GPC6: variants seen among roughly 807,000 people sequenced by gnomAD.
GPC6 encodes glypican-6.
Under a neutral mutation model 55.2 loss-of-function variants are expected in GPC6, and 14 were observed. That is an observed-to-expected ratio of 0.25 (90% CI 0.17 to 0.40). The LOEUF (loss-of-function observed/expected upper bound fraction) is 0.40, where lower values mean the gene tolerates loss of function less well. GPC6 is among the 10% of genes least tolerant of loss of function. GPC6 has a pLI of 1.00. For synonymous variants in GPC6, 278 were observed against 259.6 expected (o/e 1.07, Z -0.68); for missense variants, 641 against 708.5 (o/e 0.90, Z 1.08).
intron 4 of GPC6, among the ~76,000 whole-genome samples, chr13:94,230,682 T>A (rs1594080156): frequency 6.6e-6 from 1 of 152,286 alleles, no homozygotes; most frequent in East Asian, 1.9e-4. Flanking sequence ...ATCAGACTCA[T>A]CTCAGAGGAT....
chr13:93,689,885 T>G (rs1882192769), intron 2 of GPC6, among the ~76,000 whole-genome samples: 1 of 152,138 alleles, frequency 6.6e-6, no homozygotes, highest in Non-Finnish European at 1.5e-5. Flanking sequence ...ATCAGTCCAG[T>G]GTCTTAGATT....
chr13:93,368,200 TTGCTC>T (rs544125182), intron 1 of GPC6, among the ~76,000 whole-genome samples: 472 of 152,146 alleles, frequency 3.1e-3, no homozygotes, highest in African/African-American at 0.011. Flanking sequence ...ATAATTGTCT[TTGCTC>T]TGAGTCTATT....
At chr13:93,343,527 A>G (rs967120648) in intron 1 of GPC6, among the ~76,000 whole-genome samples, 17 of 152,224 alleles carry the variant, frequency 1.1e-4, no homozygotes, top group Admixed American at 5.9e-4. Flanking sequence ...GAATGTATTT[A>G]GATAGTTTCA....
chr13:93,558,681 G>T (rs981190641), intron 2 of GPC6, among the ~76,000 whole-genome samples: 1 of 152,112 alleles, frequency 6.6e-6, no homozygotes, highest in African/African-American at 2.4e-5. Flanking sequence ...CAATGGGAGT[G>T]CTTGTTTATT....
chr13:93,496,825 T>C (rs1362416947), intron 1 of GPC6, among the ~76,000 whole-genome samples: 2 of 152,236 alleles, frequency 1.3e-5, no homozygotes, highest in Non-Finnish European at 2.9e-5. Flanking sequence ...TGTGAAGTGC[T>C]TTAAGATGTG....
chr13:94,161,082 A>G (rs1301841361), intron 4 of GPC6, among the ~76,000 whole-genome samples: 1 of 152,214 alleles, frequency 6.6e-6, no homozygotes, highest in Non-Finnish European at 1.5e-5. Context: ...ATGAGTTAAG[A>G]TGTTTGTTTA....
At chr13:93,602,483 G>T (rs146059496) in intron 2 of GPC6, among the ~76,000 whole-genome samples, 1 of 152,082 alleles carries the variant, frequency 6.6e-6, no homozygotes, top group Non-Finnish European at 1.5e-5. Context: ...CCAGCTCCAG[G>T]GGGTGCTGTT....
chr13:94,078,855 A>G (rs970886221), intron 4 of GPC6, among the ~76,000 whole-genome samples: 1 of 151,984 alleles, frequency 6.6e-6, no homozygotes, highest in Non-Finnish European at 1.5e-5. Flanking sequence ...AAACCCTTTT[A>G]AAAAATTGGA....
chr13:93,753,939 A>T (rs965646808), intron 2 of GPC6, among the ~76,000 whole-genome samples: 14 of 152,212 alleles, frequency 9.2e-5, no homozygotes, highest in Non-Finnish European at 1.6e-4. Flanking sequence ...GAGCCATTGC[A>T]CCTGGCCTAG....
intron 4 of GPC6, among the ~76,000 whole-genome samples, chr13:94,242,809 G>T (rs1326881133): frequency 6.6e-6 from 1 of 152,066 alleles, no homozygotes; most frequent in Non-Finnish European, 1.5e-5. Context: ...GTGGTTGGAA[G>T]ATTTAATAGC....
intron 1 of GPC6, among the ~76,000 whole-genome samples, chr13:93,501,448 A>T (rs1033508574): frequency 2.0e-5 from 3 of 152,286 alleles, no homozygotes; most frequent in Admixed American, 1.3e-4. Flanking sequence ...ATTACTTTGC[A>T]AAATTTTCTA....
chr13:93,510,876 AT>A (rs1389254293), intron 1 of GPC6, among the ~76,000 whole-genome samples: 1 of 146,864 alleles, frequency 6.8e-6, no homozygotes, highest in Non-Finnish European at 1.5e-5. Flanking sequence ...TTTGGTTTCC[AT>A]TTCCCTGATC....
At chr13:93,939,834 A>G (rs184201394) in intron 3 of GPC6, among the ~76,000 whole-genome samples, 11 of 152,248 alleles carry the variant, frequency 7.2e-5, no homozygotes, top group African/African-American at 2.6e-4. Context: ...TGTTAAGTGT[A>G]TTATATACAT....
At position 93,354,608 on chromosome 13, in the gene GPC6, C is replaced by T. The variant is rs964417502; in HGVS notation, c.160+126992C>T. On this transcript the variant is annotated intron_variant, in intron 1 of 8. Coordinates refer to ENST00000377047, the MANE Select transcript of GPC6 (RefSeq NM_005708.5). Reference sequence around the variant, plus strand: ...CTCGATCTCCTGACCTCGTGATCCGCCCGCCTCGGCCTCCCAAAGTGCTGG... The same window carrying T: ...CTCGATCTCCTGACCTCGTGATCCGTCCGCCTCGGCCTCCCAAAGTGCTGG... Among the ~76,000 whole-genome samples the T allele has an allele frequency of 5.3e-5, 8 of 151,490 alleles. No homozygotes were observed. In the South Asian group the frequency reaches 1.7e-3, roughly 32 times the overall value.
At chr13:93,256,053 A>G (rs2139034593) in intron 1 of GPC6, among the ~76,000 whole-genome samples, 2 of 151,902 alleles carry the variant, frequency 1.3e-5, no homozygotes, top group South Asian at 4.2e-4. Flanking sequence ...GGTATAAGAA[A>G]TGAGAATTGC....
chr13:93,830,571 C>T (rs756566538), intron 3 of GPC6, 26 bp downstream of exon 3: 1 of 1,251,678 alleles, frequency 8.0e-7, no homozygotes, highest in Non-Finnish European at 1.1e-6. Flanking sequence ...CTTTCTTTCT[C>T]ATTGGTGTTC....
At chr13:93,832,610 A>G (rs1398223209) in intron 3 of GPC6, among the ~76,000 whole-genome samples, 2 of 152,138 alleles carry the variant, frequency 1.3e-5, no homozygotes, top group Non-Finnish European at 1.5e-5. Flanking sequence ...CTACAAAGCC[A>G]TGAGGGAGGC....
intron 1 of GPC6, among the ~76,000 whole-genome samples, chr13:93,320,717 A>G (rs1162250114): frequency 1.3e-5 from 2 of 152,080 alleles, no homozygotes; most frequent in Non-Finnish European, 2.9e-5. Context: ...TAGCCACAGA[A>G]TTATGTAGTA....
chr13:93,515,941 G>A (rs1881172985), intron 1 of GPC6, among the ~76,000 whole-genome samples: 1 of 152,058 alleles, frequency 6.6e-6, no homozygotes, highest in Non-Finnish European at 1.5e-5. Context: ...TAAATATCTA[G>A]CAAAACTCAC....
Sources: allele counts gnomAD v4.1 joint callset (sites outside exome capture counted in the v4.1 genomes callset), GRCh38; gene constraint gnomAD v4.1.1; transcripts MANE v1.5; gene names NCBI Gene and HGNC (gene_info 2026-07-23, HGNC 2026-07-21).